The following PTPRN2 variants were observed in gnomAD, a reference collection of about 807,000 sequenced individuals.
PTPRN2 encodes receptor-type tyrosine-protein phosphatase N2.
Under a neutral mutation model 118.8 loss-of-function variants are expected in PTPRN2, and 74 were observed. That is an observed-to-expected ratio of 0.62 (90% CI 0.52 to 0.76). PTPRN2 has a LOEUF of 0.76. Among genes scored for constraint, PTPRN2 ranks in the 30% least tolerant of loss-of-function variants. The probability of loss-of-function intolerance (pLI) is 0.00; values close to 1 mark genes in which losing one functional copy is unlikely to be tolerated. For missense variants in PTPRN2, 1,481 were observed against 1,394.4 expected, an observed-to-expected ratio of 1.06 and a Z score of -0.99; for synonymous variants, 641 against 608.0, an observed-to-expected ratio of 1.05 and a Z score of -0.80.
intron 1 of PTPRN2, among the ~76,000 whole-genome samples, chr7:158,554,690 G>T (rs1826861048): frequency 6.6e-6 from 1 of 152,184 alleles, no homozygotes; most frequent in Non-Finnish European, 1.5e-5. Flanking sequence ...TGGTGGAGGG[G>T]GAGTGGGATG....
chr7:158,526,186 G>C lies in PTPRN2; in HGVS notation c.113-36401C>G, dbSNP rs1233383260. Among the ~76,000 whole-genome samples, 3 of 152,192 alleles carry C rather than the reference G, an allele frequency of 2.0e-5. No individual in the cohort carries two copies. Among genetic ancestry groups the C allele is most frequent in the Non-Finnish European group, 4.4e-5 (3 of 68,032 alleles). On this transcript the variant is annotated intron_variant, in intron 1 of 22. Transcript: ENST00000389418. The surrounding 1 kb of genome is among the most constrained non-coding windows in gnomAD (Gnocchi z 5.2). ...AGGCAGACACACGGCTCCTGGTGTT[G>C]GCAGGGTGCCGGCGGAATCCAGGGC... is the stretch of plus-strand genomic sequence containing the variant.
chr7:158,198,093 A>G (rs550943987), intron 4 of PTPRN2, among the ~76,000 whole-genome samples: 1 of 152,270 alleles, frequency 6.6e-6, no homozygotes, highest in South Asian at 2.1e-4. Context: ...ACTGCAGTTA[A>G]TTTACTTTTC....
At chr7:157,740,866 T>C (rs959876963) in intron 12 of PTPRN2, among the ~76,000 whole-genome samples, 1 of 152,138 alleles carries the variant, frequency 6.6e-6, no homozygotes, top group Non-Finnish European at 1.5e-5. Flanking sequence ...TTAGAGCCGC[T>C]CTCTCTCCCC....
chr7:157,903,024 C>A lies in PTPRN2; in HGVS notation c.1724-4287G>T, dbSNP rs545504591. 2.6e-4 allele frequency among the ~76,000 whole-genome samples: 39 copies of A among 152,280 alleles called. 1 individual carries two copies. In the South Asian group the frequency reaches 8.1e-3, roughly 32 times the overall value. On this transcript the variant is annotated intron_variant, in intron 11 of 22. Coordinates refer to ENST00000389418, the MANE Select transcript of PTPRN2 (RefSeq NM_002847.5). This position sits in a 1 kb window ranked among gnomAD's most constrained non-coding sequence, Gnocchi z 4.2. ...TACATCCACGTTGCTGCAAAGGACA[C>A]AATTTGGGGCCACCATCCTAAGCAA...
At position 158,587,620 on chromosome 7, in the gene PTPRN2, GGCGGCAGCAGCAGCAGTA is replaced by G. The variant is rs1829055254; in HGVS notation, c.32_49del (p.Leu11_Pro16del). ...CGAAGGGGCGGCAGGCAGGACGCGT[GGCGGCAGCAGCAGCAGTA>G]GCAGCAGCAGCAGCGGGAGCGGCGG... On this transcript the variant is annotated inframe_deletion, in exon 1 of 23. Transcript: ENST00000389418. 1 of 1,361,584 alleles carries G rather than the reference GGCGGCAGCAGCAGCAGTA, an allele frequency of 7.3e-7. No individual in the cohort carries two copies. The highest frequency in any genetic ancestry group is 1.5e-5 in the African/African-American group (1 of 65,138). The allele number at this position is 1,361,584 out of a possible 1,614,324, so 84.3% of individuals were successfully genotyped here.
intron 3 of PTPRN2, among the ~76,000 whole-genome samples, chr7:158,273,324 G>A (rs1393051100): frequency 6.6e-6 from 1 of 151,088 alleles, no homozygotes; most frequent in African/African-American, 2.5e-5. Flanking sequence ...CTTGCCTGCT[G>A]GGGAGGCCAG....
In PTPRN2 at chr7:157,611,681, G is replaced by A. The variant is rs952348302; in HGVS notation, c.2345-7606C>T. On this transcript the variant is annotated intron_variant, in intron 15 of 22. Transcript: ENST00000389418. The surrounding 1 kb of genome is among the most constrained non-coding windows in gnomAD (Gnocchi z 5.9). ...GAAGAAGGACTCTGCACACCCACACGGGAGGGAGAGCGCCCGTGTGAAGAC... is the reference window on the plus strand; with the variant it reads ...GAAGAAGGACTCTGCACACCCACACAGGAGGGAGAGCGCCCGTGTGAAGAC... Among the ~76,000 whole-genome samples the A allele has an allele frequency of 2.0e-5, 3 of 151,712 alleles. No individual in the cohort carries two copies. The highest frequency in any genetic ancestry group is 2.1e-4 in the South Asian group (1 of 4,814).
chr7:158,263,542 G>C (rs111434951), intron 3 of PTPRN2, among the ~76,000 whole-genome samples: 3,121 of 152,336 alleles, frequency 0.02, 113 homozygotes, highest in African/African-American at 0.071. Context: ...TGCTCAGCTT[G>C]CTCTGGAGGA....
At chr7:157,791,867 G>A (rs945565148) in intron 12 of PTPRN2, among the ~76,000 whole-genome samples, 1 of 152,356 alleles carries the variant, frequency 6.6e-6, no homozygotes, top group African/African-American at 2.4e-5. Context: ...CGCTCGGAGC[G>A]CACCCAAGAG....
At chr7:158,199,240 T>C (rs1826444556) in intron 4 of PTPRN2, among the ~76,000 whole-genome samples, 1 of 152,176 alleles carries the variant, frequency 6.6e-6, no homozygotes, top group African/African-American at 2.4e-5. Flanking sequence ...CTCAGGTTCC[T>C]GGTTCTCAGG....
At chr7:157,663,976 G>C (rs1324924212) in intron 13 of PTPRN2, among the ~76,000 whole-genome samples, 1 of 152,076 alleles carries the variant, frequency 6.6e-6, no homozygotes, top group Non-Finnish European at 1.5e-5. Flanking sequence ...ATTTGAAATC[G>C]CTCTAGGTTA....
intron 1 of PTPRN2, among the ~76,000 whole-genome samples, chr7:158,587,078 G>A (rs1042324696): frequency 1.3e-5 from 2 of 151,726 alleles, no homozygotes; most frequent in South Asian, 2.1e-4. Context: ...CTGGAACCCC[G>A]AGACCCCCGG....
At chr7:157,549,985 G>A in intron 21 of PTPRN2, among the ~76,000 whole-genome samples, 1 of 152,216 alleles carries the variant, frequency 6.6e-6, no homozygotes, top group East Asian at 1.9e-4. Context: ...GCATGTCCAA[G>A]CCACAGACAG....
intron 11 of PTPRN2, among the ~76,000 whole-genome samples, chr7:158,073,938 C>T (rs563345554): frequency 3.3e-5 from 5 of 152,308 alleles, no homozygotes; most frequent in African/African-American, 7.2e-5. Flanking sequence ...CACCAGCAGA[C>T]GCGGCTCCCC....
In PTPRN2 at chr7:158,146,988, C is replaced by CT. The variant is rs1563510427; in HGVS notation, c.911-8474dup. On this transcript the variant is annotated intron_variant, in intron 6 of 22. Transcript: ENST00000389418. ...CATCTCACGCCACGTGTCTTTCCCCCTCAATGACACCCCATCTCACGCCAC... is the reference window on the plus strand; with the variant it reads ...CATCTCACGCCACGTGTCTTTCCCCCTTCAATGACACCCCATCTCACGCCAC... 7.6e-5 allele frequency among the ~76,000 whole-genome samples: 6 copies of CT among 78,592 alleles called. No individual in the cohort carries two copies. In the South Asian group the frequency reaches 2.3e-3, roughly 31 times the overall value. 51.6% of individuals were successfully genotyped at this position (78,592 alleles called of 152,430 possible). A position where few individuals can be genotyped will look rare whatever the true frequency, so the allele number is the denominator to read the frequency against.
chr7:158,125,138 AC>A (rs1281606065), intron 9 of PTPRN2, among the ~76,000 whole-genome samples: 2 of 151,478 alleles, frequency 1.3e-5, no homozygotes, highest in Admixed American at 6.6e-5. Context: ...AACCATGGCC[AC>A]CCCCCTGCCT....
chr7:158,172,429 CCCA>C (rs1178406663), intron 5 of PTPRN2, among the ~76,000 whole-genome samples: 1 of 151,898 alleles, frequency 6.6e-6, no homozygotes, highest in Non-Finnish European at 1.5e-5. Flanking sequence ...CAACAGCATC[CCCA>C]CCATCATCTT....
Position 157,621,420 on chromosome 7 carries a change from C to G in PTPRN2, c.2286G>C (p.Ser762=), listed in dbSNP as rs148323229. 1.9e-6 allele frequency: 3 copies of G among 1,613,396 alleles called. No individual in the cohort carries two copies. The highest frequency in any genetic ancestry group is 2.5e-6 in the Non-Finnish European group (3 of 1,179,840). The change falls in exon 15 of 23, where the codon TCG becomes TCC. Residue 762 remains serine, a synonymous_variant. Transcript: ENST00000389418. ...LCAYQAEPNS[S]FVAQREENVP... ...CGTTCTCCTCCCTCTGGGCCACGAA[C>G]GAGCTGTTGGGCTCCGCCTGGTAGG...
At chr7:157,651,284 A>C (rs548332728) in intron 14 of PTPRN2, among the ~76,000 whole-genome samples, 1 of 152,212 alleles carries the variant, frequency 6.6e-6, no homozygotes, top group East Asian at 1.9e-4. Flanking sequence ...TCATCTGTGA[A>C]ATGGGCCTAC....
Sources: gnomAD v4.1 joint callset for allele counts (sites outside exome capture counted in the v4.1 genomes callset) on GRCh38, gnomAD v4.1.1 for gene constraint, Gnocchi (gnomAD v3.1) non-coding constraint, MANE v1.5 for transcripts, NCBI Gene and HGNC (gene_info 2026-07-23, HGNC 2026-07-21) for gene names.